Variants in GRHL1 observed in about 807,000 individuals in gnomAD.
GRHL1 encodes grainyhead like transcription factor 1.
A neutral mutation model predicts 75.7 loss-of-function variants in GRHL1; 38 were observed. The ratio of observed to expected loss-of-function variants is 0.50; its 90% CI spans 0.39 to 0.66. GRHL1 has a LOEUF of 0.66. Ranked by LOEUF, GRHL1 falls within the 30% of genes least tolerant of loss-of-function variation. The pLI, the probability that GRHL1 is intolerant of heterozygous loss-of-function variation, is 0.00. For missense variants in GRHL1, 589 were observed against 767.5 expected (o/e 0.77, Z 2.75); for synonymous variants, 266 against 279.4 (o/e 0.95, Z 0.48).
chr2:9,987,581 A>G lies in GRHL1; in HGVS notation c.1269+1299A>G, dbSNP rs1468854708. On this transcript the variant is annotated intron_variant, in intron 9 of 15. Transcript: ENST00000324907. This position sits in a 1 kb window ranked among gnomAD's most constrained non-coding sequence, Gnocchi z 4.2. ...GAAGGAGAGGTGCGGATTCTTCTCT[A>G]CAGCCACAGGGAGGCAAGAAGAAAA... Among the ~76,000 whole-genome samples, 2 of 152,180 alleles carry G rather than the reference A, an allele frequency of 1.3e-5. No individual in the cohort carries two copies. The highest frequency in any genetic ancestry group is 6.5e-5 in the Admixed American group (1 of 15,272).
intron 8 of GRHL1, among the ~76,000 whole-genome samples, chr2:9,983,877 C>A (rs1668304252): frequency 6.6e-6 from 1 of 151,284 alleles, no homozygotes; most frequent in South Asian, 2.1e-4. Context: ...AAAAATGTGG[C>A]CGGGAGTGGT....
chr2:9,962,830 CT>C (rs1272855355), intron 5 of GRHL1, among the ~76,000 whole-genome samples: 5 of 151,658 alleles, frequency 3.3e-5, no homozygotes, highest in African/African-American at 1.2e-4. Context: ...AATTAGGTCT[CT>C]GAGGTCCTTT....
At chr2:9,956,221 A>T (rs567493283) in intron 2 of GRHL1, among the ~76,000 whole-genome samples, 4 of 152,362 alleles carry the variant, frequency 2.6e-5, no homozygotes, top group African/African-American at 9.6e-5. Flanking sequence ...GCCATTGGCT[A>T]CATTCTGGCA....
intron 9 of GRHL1, among the ~76,000 whole-genome samples, chr2:9,988,674 C>G (rs1370926373): frequency 6.6e-6 from 1 of 152,124 alleles, no homozygotes; most frequent in Admixed American, 6.5e-5. Flanking sequence ...CATGCCATGG[C>G]CTGGGAACTC....
chr2:9,998,423 C>CGTGTGTGT (rs1553306759), intron 14 of GRHL1, among the ~76,000 whole-genome samples: 340 of 33,838 alleles, frequency 0.01, 30 homozygotes, highest in African/African-American at 0.023. Flanking sequence ...AGTGACTATG[C>CGTGTGTGT]ATGTGTGTGT....
Position 9,951,737 on chromosome 2 carries a change from A to T in GRHL1, c.-97A>T. On this transcript the variant is annotated 5_prime_UTR_variant, in exon 1 of 16. Coordinates refer to ENST00000324907, the MANE Select transcript of GRHL1 (RefSeq NM_198182.3). The surrounding 1 kb of genome is among the most constrained non-coding windows in gnomAD (Gnocchi z 4.2). The stretch of plus-strand genomic sequence containing the variant: ...CAACCCGTCGGGGCCGCCGCTCCGG[A>T]CCCGCAGCCGCCGCCGCCGCCTCCT... 1 of 1,178,602 alleles carries T rather than the reference A, an allele frequency of 8.5e-7. No individual in the cohort carries two copies. The allele number at this position is 1,178,602 out of a possible 1,614,324, so 73.0% of individuals were successfully genotyped here.
At chr2:9,978,890 C>G (rs944547093) in intron 8 of GRHL1, among the ~76,000 whole-genome samples, 1 of 152,020 alleles carries the variant, frequency 6.6e-6, no homozygotes, top group African/African-American at 2.4e-5. Context: ...ACATGGGAGG[C>G]TGAGGCAGGA....
chr2:9,968,560 T>G lies in GRHL1; in HGVS notation c.1110+3179T>G, dbSNP rs1201967659. On this transcript the variant is annotated intron_variant, in intron 8 of 15. Coordinates refer to ENST00000324907, the MANE Select transcript of GRHL1 (RefSeq NM_198182.3). The surrounding 1 kb of genome is among the most constrained non-coding windows in gnomAD (Gnocchi z 4.7). Reference sequence around the variant, plus strand: ...CTGATGCACAGCTGAGATTAGCTGCTTGAGGTAATTTTTGCAGAGAGAAGA... The same window carrying G: ...CTGATGCACAGCTGAGATTAGCTGCGTGAGGTAATTTTTGCAGAGAGAAGA... Among the ~76,000 whole-genome samples, 1 of 152,184 alleles carries G rather than the reference T, an allele frequency of 6.6e-6. No homozygotes were observed. The highest frequency in any genetic ancestry group is 2.1e-4 in the South Asian group (1 of 4,832).
At chr2:9,959,002 C>G (rs1427549721) in intron 3 of GRHL1, 146 bp downstream of exon 3, 5 of 1,246,036 alleles carry the variant, frequency 4.0e-6, no homozygotes, top group Non-Finnish European at 4.3e-6. Context: ...CAGATTTCAT[C>G]ACTGATTTGC....
intron 1 of GRHL1, among the ~76,000 whole-genome samples, chr2:9,953,505 T>C (rs998569489): frequency 6.6e-6 from 1 of 152,230 alleles, no homozygotes; most frequent in African/African-American, 2.4e-5. Context: ...GAACAGTCTT[T>C]TATGTTTGTT....
rs75568073 is a variant in GRHL1 at position 9,971,494 on chromosome 2, G to A, written c.1110+6113G>A. 1.0e-2 allele frequency among the ~76,000 whole-genome samples: 1,519 copies of A among 152,310 alleles called. 33 individuals carry two copies. Among genetic ancestry groups the A allele is most frequent in the African/African-American group, 0.033 (1,381 of 41,570 alleles). On this transcript the variant is annotated intron_variant, in intron 8 of 15. Transcript: ENST00000324907. ...GGCTTTTAGTGTCTCGGCAGATTAC[G>A]AAGCTAACTAGACTGAGATGGATTA...
intron 12 of GRHL1, 84 bp downstream of exon 12, chr2:9,993,328 A>T (rs1668724467): frequency 1.8e-6 from 2 of 1,122,962 alleles, no homozygotes; most frequent in African/African-American, 1.5e-5. Flanking sequence ...CAGTACAAAG[A>T]ACTCATTTTT....
Position 9,972,831 on chromosome 2 carries a change from G to A in GRHL1, c.1110+7450G>A, listed in dbSNP as rs117825041. Reference sequence around the variant, plus strand: ...TTCACCAGCTCCTGCTTACAGGACCGTGACACAGGGGAGAACCGTGTGCAG... The same window carrying A: ...TTCACCAGCTCCTGCTTACAGGACCATGACACAGGGGAGAACCGTGTGCAG... On this transcript the variant is annotated intron_variant, in intron 8 of 15. Transcript: ENST00000324907. Among the ~76,000 whole-genome samples, 29 of 152,298 alleles carry A rather than the reference G, an allele frequency of 1.9e-4. No individual in the cohort carries two copies. In the East Asian group the frequency reaches 5.4e-3, roughly 28 times the overall value.
chr2:9,993,673 C>G (rs1250759935), intron 12 of GRHL1, among the ~76,000 whole-genome samples: 1 of 152,140 alleles, frequency 6.6e-6, no homozygotes, highest in Non-Finnish European at 1.5e-5. Flanking sequence ...TGGTTAGATT[C>G]CAGGCCTGGC....
intron 9 of GRHL1, among the ~76,000 whole-genome samples, chr2:9,989,543 G>A (rs1417443081): frequency 6.6e-6 from 1 of 152,038 alleles, no homozygotes; most frequent in Non-Finnish European, 1.5e-5. Flanking sequence ...CTAGGACTCT[G>A]AGTACACTTT....
Position 9,961,198 on chromosome 2 carries a change from C to G in GRHL1, c.431C>G (p.Thr144Arg). The change falls in exon 4 of 16, where the codon ACA (threonine) becomes AGA (arginine). Residue 144 changes from threonine (T) to arginine (R), a missense_variant. By Grantham distance (71) the Thr-to-Arg change is moderately conservative (BLOSUM62 -1). This residue lies in a region of GRHL1 where 362 missense variants were observed against 461.8 expected (regional missense o/e 0.78). Transcript: ENST00000324907. Reference sequence around the variant, plus strand: ...GGCCATCTGACAGCTCCAGATACGACAGTCACTGTCTCCATAGCAACGATG... The same window carrying G: ...GGCCATCTGACAGCTCCAGATACGAGAGTCACTGTCTCCATAGCAACGATG... Reference protein sequence around the residue: ...KRGHLTAPDTTVTVSIATMPT... With the variant: ...KRGHLTAPDTRVTVSIATMPT... 1.9e-6 allele frequency: 3 copies of G among 1,614,162 alleles called. No individual in the cohort carries two copies. In the South Asian group the frequency reaches 3.3e-5, roughly 18 times the overall value.
At position 9,965,207 on chromosome 2, in the gene GRHL1, A is replaced by C; in HGVS notation, c.1016-80A>C. The C allele has an allele frequency of 6.8e-6, 5 of 735,764 alleles. No homozygotes were observed. In the South Asian group the frequency reaches 7.8e-5, roughly 11 times the overall value. 45.6% of individuals were successfully genotyped at this position (735,764 alleles called of 1,614,324 possible). On this transcript the variant is annotated intron_variant, in intron 7 of 15. Transcript: ENST00000324907. ...CAGAGGTGATAATGCTAAAAACTAG[A>C]TCTTATTTTGAACTGCTGGGATCCC...
intron 1 of GRHL1, among the ~76,000 whole-genome samples, chr2:9,953,288 T>C (rs1440987375): frequency 6.6e-6 from 1 of 152,254 alleles, no homozygotes; most frequent in Admixed American, 6.5e-5. Context: ...AGTGCTGTCA[T>C]AGTCTTCTGG....
At chr2:9,962,856 A>G (rs1012317306) in intron 5 of GRHL1, among the ~76,000 whole-genome samples, 1 of 152,020 alleles carries the variant, frequency 6.6e-6, no homozygotes, top group Non-Finnish European at 1.5e-5. Flanking sequence ...TGCCAAATAT[A>G]TATAATTAGG....
Sources: allele counts gnomAD v4.1 joint callset (sites outside exome capture counted in the v4.1 genomes callset), GRCh38; gene constraint gnomAD v4.1.1; regional missense constraint gnomAD v4.1.1; non-coding constraint Gnocchi (gnomAD v3.1); transcripts MANE v1.5; gene names NCBI Gene and HGNC (gene_info 2026-07-23, HGNC 2026-07-21).